The following ESRRG variants were observed in gnomAD, a reference collection of about 807,000 sequenced individuals.
ESRRG encodes the protein estrogen-related receptor gamma.
In ESRRG, 13 loss-of-function variants were observed where a neutral mutation model predicts 44.0. The observed-to-expected ratio is 0.30, with a 90% confidence interval of 0.19 to 0.47. The LOEUF (loss-of-function observed/expected upper bound fraction) is 0.47, where lower values mean the gene tolerates loss of function less well. ESRRG is among the 20% of genes least tolerant of loss of function. The pLI, the probability that ESRRG is intolerant of heterozygous loss-of-function variation, is 1.00. For synonymous variants in ESRRG, 215 were observed against 214.6 expected (o/e 1.00, Z -0.02); for missense variants, 395 against 580.6 (o/e 0.68, Z 3.29).
chr1:216,514,220 T>A (rs952207088), intron 6 of ESRRG, among the ~76,000 whole-genome samples: 1 of 152,146 alleles, frequency 6.6e-6, no homozygotes, highest in Non-Finnish European at 1.5e-5. Flanking sequence ...GTATTAAATT[T>A]AAAAAACTCA....
chr1:216,953,053 C>A (rs1578589494), intron 1 of ESRRG, among the ~76,000 whole-genome samples: 2 of 152,110 alleles, frequency 1.3e-5, no homozygotes, highest in African/African-American at 4.8e-5. Flanking sequence ...ATTTCTCCCC[C>A]ACATAAATAT....
intron 1 of ESRRG, among the ~76,000 whole-genome samples, chr1:217,135,684 G>T (rs988279059): frequency 6.6e-6 from 1 of 152,182 alleles, no homozygotes; most frequent in Non-Finnish European, 1.5e-5. Context: ...GGTGTTTCGG[G>T]GCTCCCCACG....
intron 1 of ESRRG, among the ~76,000 whole-genome samples, chr1:217,047,528 A>T (rs1461405943): frequency 6.6e-6 from 1 of 152,184 alleles, no homozygotes; most frequent in Non-Finnish European, 1.5e-5. Flanking sequence ...GTCATCACTC[A>T]AGTCCAAGCT....
At chr1:216,900,299 G>A (rs540989004) in intron 2 of ESRRG, among the ~76,000 whole-genome samples, 1 of 152,244 alleles carries the variant, frequency 6.6e-6, no homozygotes, top group East Asian at 1.9e-4. Flanking sequence ...TGCAAATCTG[G>A]AATTTTAGAG....
chr1:216,896,404 A>G (rs760004602), intron 2 of ESRRG, among the ~76,000 whole-genome samples: 4 of 152,220 alleles, frequency 2.6e-5, no homozygotes, highest in Non-Finnish European at 5.9e-5. Flanking sequence ...AATCCCCTTT[A>G]TAGGCTGATT....
chr1:216,663,269 A>G (rs948379681), intron 2 of ESRRG, among the ~76,000 whole-genome samples: 1 of 152,152 alleles, frequency 6.6e-6, no homozygotes, highest in Non-Finnish European at 1.5e-5. Context: ...GAAAAAAAGT[A>G]CACTTGAGGA....
At chr1:216,551,541 C>T (rs4846527) in intron 5 of ESRRG, among the ~76,000 whole-genome samples, 5,042 of 152,076 alleles carry the variant, frequency 0.033, 241 homozygotes, top group East Asian at 0.16. Context: ...TAAAAAATTG[C>T]CTTGGAAATT....
At chr1:216,860,032 G>A (rs566648523) in intron 2 of ESRRG, among the ~76,000 whole-genome samples, 1 of 152,284 alleles carries the variant, frequency 6.6e-6, no homozygotes, top group South Asian at 2.1e-4. Context: ...GGCAGGCCAA[G>A]GTGGACAGAT....
chr1:216,641,965 G>A (rs1398354408), intron 3 of ESRRG, among the ~76,000 whole-genome samples: 1 of 152,158 alleles, frequency 6.6e-6, no homozygotes, highest in African/African-American at 2.4e-5. Flanking sequence ...GCACTGAAGA[G>A]AGCCATAGTT....
In ESRRG at chr1:216,576,597, C is replaced by T. The variant is rs548036871; in HGVS notation, c.590-8499G>A. 1.5e-4 allele frequency among the ~76,000 whole-genome samples: 23 copies of T among 152,102 alleles called. No individual in the cohort carries two copies. In the South Asian group the frequency reaches 4.2e-3, roughly 27 times the overall value. Reference sequence around the variant, plus strand: ...GCATAGGACATAACCCCAAAGAAGTCTCTTCTTCTATTTTTTTCCCCTCCA... The same window carrying T: ...GCATAGGACATAACCCCAAAGAAGTTTCTTCTTCTATTTTTTTCCCCTCCA... On this transcript the variant is annotated intron_variant, in intron 3 of 6. Coordinates refer to ENST00000408911, the MANE Select transcript of ESRRG (RefSeq NM_001438.4).
chr1:216,698,279 A>T (rs1054427288), intron 1 of ESRRG, among the ~76,000 whole-genome samples: 2 of 152,122 alleles, frequency 1.3e-5, no homozygotes, highest in Admixed American at 1.3e-4. Context: ...GCACTTTGGG[A>T]GGCCGAGGCA....
At chr1:216,518,017 A>C (rs2044876997) in intron 6 of ESRRG, among the ~76,000 whole-genome samples, 1 of 152,166 alleles carries the variant, frequency 6.6e-6, no homozygotes. Context: ...AATCAATTAA[A>C]AATTATTTCT....
intron 5 of ESRRG, among the ~76,000 whole-genome samples, chr1:216,551,904 C>T (rs2056442041): frequency 6.6e-6 from 1 of 152,148 alleles, no homozygotes; most frequent in African/African-American, 2.4e-5. Flanking sequence ...ATCAACCAAA[C>T]TCTCGGCCAC....
chr1:216,784,349 C>T (rs987880888), intron 2 of ESRRG, among the ~76,000 whole-genome samples: 1 of 152,058 alleles, frequency 6.6e-6, no homozygotes, highest in South Asian at 2.1e-4. Flanking sequence ...ATAAGTTATA[C>T]GCAGAGGCCT....
At chr1:216,866,339 A>T (rs1444792922) in intron 2 of ESRRG, among the ~76,000 whole-genome samples, 1 of 152,200 alleles carries the variant, frequency 6.6e-6, no homozygotes, top group South Asian at 2.1e-4. Flanking sequence ...CAACTATAGC[A>T]ATACAATGAC....
At position 216,734,705 on chromosome 1, in the gene ESRRG, G is replaced by A. The variant is rs116565576; in HGVS notation, c.-13-57214C>T. On this transcript the variant is annotated intron_variant, in intron 2 of 7. Transcript: ENST00000359162. Reference sequence around the variant, plus strand: ...TATAGCAATGCAGCAATAGACTAACGTACTCATACAACTTGAGTTTTTTAA... The same window carrying A: ...TATAGCAATGCAGCAATAGACTAACATACTCATACAACTTGAGTTTTTTAA... Among the ~76,000 whole-genome samples, 1,285 of 152,080 alleles carry A rather than the reference G, an allele frequency of 8.4e-3. 17 individuals carry two copies. The highest frequency in any genetic ancestry group is 0.026 in the African/African-American group (1,076 of 41,478).
Position 216,768,845 on chromosome 1 carries a change from A to G in ESRRG, c.-13-91354T>C, listed in dbSNP as rs369438909. Among the ~76,000 whole-genome samples, 10 of 152,244 alleles carry G rather than the reference A, an allele frequency of 6.6e-5. No homozygotes were observed. The East Asian group carries it at 9.7e-4, about 15-fold the overall frequency. Reference sequence around the variant, plus strand: ...TCAATATACAAGGAAGCTCAACCTCAGAAAAGTGAATATCTTGTCTAGGAT... The same window carrying G: ...TCAATATACAAGGAAGCTCAACCTCGGAAAAGTGAATATCTTGTCTAGGAT... On this transcript the variant is annotated intron_variant, in intron 2 of 7. Transcript: ENST00000359162.
chr1:216,796,249 C>T (rs2094467330), intron 2 of ESRRG, among the ~76,000 whole-genome samples: 1 of 152,204 alleles, frequency 6.6e-6, no homozygotes, highest in African/African-American at 2.4e-5. Flanking sequence ...TACAGGAAAG[C>T]ATGTACACCC....
intron 3 of ESRRG, among the ~76,000 whole-genome samples, chr1:216,631,660 T>C (rs1454626949): frequency 6.6e-6 from 1 of 152,146 alleles, no homozygotes; most frequent in Non-Finnish European, 1.5e-5. Flanking sequence ...TATATAAGTA[T>C]ATATACGATA....
Sources: allele counts gnomAD v4.1 joint callset (sites outside exome capture counted in the v4.1 genomes callset), GRCh38; gene constraint gnomAD v4.1.1; transcripts MANE v1.5; gene names NCBI Gene and HGNC (gene_info 2026-07-23, HGNC 2026-07-21).